The following SCAI variants were observed in gnomAD, a reference collection of about 807,000 sequenced individuals.
SCAI encodes the protein suppressor of cancer cell invasion, also known as protein SCAI.
A neutral mutation model predicts 92.2 loss-of-function variants in SCAI; 24 were observed. The ratio of observed to expected loss-of-function variants is 0.26; its 90% CI spans 0.19 to 0.37. The LOEUF (loss-of-function observed/expected upper bound fraction) is 0.37, where lower values mean the gene tolerates loss of function less well. SCAI is among the 10% of genes least tolerant of loss of function. The probability of loss-of-function intolerance (pLI) is 1.00; values close to 1 mark genes in which losing one functional copy is unlikely to be tolerated. For missense variants in SCAI, 450 were observed against 736.2 expected (o/e 0.61, Z 4.50); for synonymous variants, 261 against 258.6 (o/e 1.01, Z -0.09).
intron 9 of SCAI, among the ~76,000 whole-genome samples, chr9:125,014,877 A>G (rs953728886): frequency 6.6e-6 from 1 of 152,164 alleles, no homozygotes; most frequent in African/African-American, 2.4e-5. Context: ...AAATAACGCC[A>G]CGTATCTACA....
chr9:124,986,086 T>TA, intron 14 of SCAI, among the ~76,000 whole-genome samples: 1 of 152,200 alleles, frequency 6.6e-6, no homozygotes, highest in East Asian at 1.9e-4. Flanking sequence ...CGTCAGGAGA[T>TA]AGAGACCATC....
chr9:125,032,484 G>T (rs910056111), intron 3 of SCAI, among the ~76,000 whole-genome samples: 2 of 151,594 alleles, frequency 1.3e-5, no homozygotes, highest in Admixed American at 1.3e-4. Flanking sequence ...GAGCCACCAT[G>T]CCCGGCCTCT....
chr9:125,135,846 G>A (rs1835509733), intron 2 of SCAI, among the ~76,000 whole-genome samples: 1 of 151,176 alleles, frequency 6.6e-6, no homozygotes, highest in African/African-American at 2.4e-5. Flanking sequence ...GCGCATGTCT[G>A]TAATCCCAGC....
At chr9:125,067,872 G>C (rs1833904667) in intron 2 of SCAI, among the ~76,000 whole-genome samples, 1 of 152,168 alleles carries the variant, frequency 6.6e-6, no homozygotes, top group Admixed American at 6.5e-5. Flanking sequence ...GTTTTGCTGA[G>C]TAAAGAAAAT....
chr9:124,971,481 G>A lies in SCAI; in HGVS notation c.1574-11C>T, dbSNP rs758290375. The A allele has an allele frequency of 1.3e-6, 2 of 1,582,946 alleles. No individual in the cohort carries two copies. Among genetic ancestry groups the A allele is most frequent in the Admixed American group, 1.8e-5 (1 of 56,736 alleles). On this transcript the variant is annotated splice_polypyrimidine_tract_variant and intron_variant, in intron 16 of 17. Transcript: ENST00000336505. Reference sequence around the variant, plus strand: ...GGAGAAATGCCTGATCTGCAAAGAGGAGAAAAGTGACAGTAAAAAGATGCT... The same window carrying A: ...GGAGAAATGCCTGATCTGCAAAGAGAAGAAAAGTGACAGTAAAAAGATGCT...
At chr9:124,984,778 G>A (rs1416731602) in intron 14 of SCAI, among the ~76,000 whole-genome samples, 2 of 152,102 alleles carry the variant, frequency 1.3e-5, no homozygotes, top group Admixed American at 1.3e-4. Flanking sequence ...GTTTGAGAGA[G>A]AGGTCTGGCT....
intron 2 of SCAI, among the ~76,000 whole-genome samples, chr9:125,094,658 C>T (rs1386816978): frequency 1.3e-5 from 2 of 152,134 alleles, no homozygotes; most frequent in Admixed American, 6.5e-5. Context: ...CACACCACCA[C>T]GCCCAGCTAC....
chr9:125,022,966 G>C (rs1190120296), intron 6 of SCAI, among the ~76,000 whole-genome samples: 16 of 151,350 alleles, frequency 1.1e-4, no homozygotes, highest in Non-Finnish European at 7.4e-5. Context: ...TCTAATTATA[G>C]TTTTCTGAAA....
chr9:124,951,223 A>G lies in SCAI; in HGVS notation c.*1584T>C, dbSNP rs1485876166. 1.3e-5 allele frequency: 2 copies of G among 150,218 alleles called. No homozygotes were observed. Among genetic ancestry groups the G allele is most frequent in the African/African-American group, 2.5e-5 (1 of 40,766 alleles). The allele number at this position is 150,218 out of a possible 1,614,324, so 9.3% of individuals were successfully genotyped here. ...AGAAATGAAAACCAAGTTAAAAATA[A>G]TAGCCAGGTGCGGTGGCTCACGCCT... On this transcript the variant is annotated 3_prime_UTR_variant, in exon 18 of 18. Transcript: ENST00000336505.
At chr9:125,093,401 G>A (rs1319618195) in intron 2 of SCAI, among the ~76,000 whole-genome samples, 1 of 152,002 alleles carries the variant, frequency 6.6e-6, no homozygotes, top group East Asian at 1.9e-4. Context: ...TTCACAGGCT[G>A]CTCCTTCTCA....
rs770813166 is a variant in SCAI, at chr9:125,031,545, G to A, written c.231-1806C>T. Among the ~76,000 whole-genome samples, 4 of 152,048 alleles carry A rather than the reference G, an allele frequency of 2.6e-5. No homozygotes were observed. The South Asian group carries it at 6.2e-4, about 24-fold the overall frequency. ...ATTACAGGCATAAGCCACCACGCCC[G>A]GCCACTTTTTTAAAAAAATAAAGGA... On this transcript the variant is annotated intron_variant, in intron 3 of 17. Coordinates refer to ENST00000336505, the MANE Select transcript of SCAI (RefSeq NM_001144877.3).
At chr9:125,120,021 C>T (rs183204871) in intron 2 of SCAI, among the ~76,000 whole-genome samples, 2 of 152,272 alleles carry the variant, frequency 1.3e-5, no homozygotes, top group Non-Finnish European at 2.9e-5. Context: ...CTAAACGTGA[C>T]ACGTCGTTTG....
chr9:125,072,920 CT>C, intron 2 of SCAI, among the ~76,000 whole-genome samples: 1 of 151,988 alleles, frequency 6.6e-6, no homozygotes, highest in African/African-American at 2.4e-5. Flanking sequence ...CCATATTTTG[CT>C]TCTCCATTCA....
chr9:125,082,235 G>A (rs184916334), intron 2 of SCAI, among the ~76,000 whole-genome samples: 29 of 152,314 alleles, frequency 1.9e-4, no homozygotes, highest in Admixed American at 1.8e-3. Context: ...GCTTCAGAGG[G>A]TACAAGCCCC....
At chr9:125,063,607 T>A (rs1403226649) in intron 2 of SCAI, among the ~76,000 whole-genome samples, 1 of 151,880 alleles carries the variant, frequency 6.6e-6, no homozygotes, top group African/African-American at 2.4e-5. Context: ...AAAATACATA[T>A]CTTGAAACAT....
In SCAI at chr9:124,971,360, C is replaced by A; in HGVS notation, c.1674+10G>T. 6.4e-7 allele frequency: 1 copy of A among 1,569,124 alleles called. No individual in the cohort carries two copies. Among genetic ancestry groups the A allele is most frequent in the Non-Finnish European group, 8.7e-7 (1 of 1,146,174 alleles). On this transcript the variant is annotated intron_variant, in intron 17 of 17. Coordinates refer to ENST00000336505, the MANE Select transcript of SCAI (RefSeq NM_001144877.3). ...GATAAAATTCGTCTTTAATAATGTT[C>A]TTTGCCTACCCGAAAAATCTTGTGC...
chr9:125,143,345 C>CT (rs1835716284), intron 1 of SCAI, 40 bp downstream of exon 1: 1 of 1,244,892 alleles, frequency 8.0e-7, no homozygotes, highest in East Asian at 3.2e-5. Context: ...CCCTGGCCCC[C>CT]ACCCCATCCC....
Position 124,944,075 on chromosome 9 carries a change from C to A in SCAI, c.*8732G>T, listed in dbSNP as rs1186125723. 3 of 152,126 alleles carry A rather than the reference C, an allele frequency of 2.0e-5. No individual in the cohort carries two copies. The highest frequency in any genetic ancestry group is 4.4e-5 in the Non-Finnish European group (3 of 68,018). 9.4% of individuals were successfully genotyped at this position (152,126 alleles called of 1,614,324 possible). A position where few individuals can be genotyped will look rare whatever the true frequency, so the allele number is the denominator to read the frequency against. On this transcript the variant is annotated 3_prime_UTR_variant, in exon 18 of 18. Coordinates refer to ENST00000336505, the MANE Select transcript of SCAI (RefSeq NM_001144877.3). ...CTCAACTGGAAGAATCATCCAAAAT[C>A]TAAAGGTTTCTCTGATTGTTGAACA...
chr9:125,142,103 T>G (rs1272229386), intron 2 of SCAI, among the ~76,000 whole-genome samples: 1 of 152,152 alleles, frequency 6.6e-6, no homozygotes, highest in Admixed American at 6.5e-5. Context: ...CTAGTTGGTT[T>G]TTGTTTTTTT....
Sources: gnomAD v4.1 joint callset for allele counts (sites outside exome capture counted in the v4.1 genomes callset) on GRCh38, gnomAD v4.1.1 for gene constraint, MANE v1.5 for transcripts, NCBI Gene and HGNC (gene_info 2026-07-23, HGNC 2026-07-21) for gene names.